Variants in SDK1 observed in about 807,000 individuals in gnomAD.
SDK1 encodes the protein sidekick cell adhesion molecule 1.
Under a neutral mutation model 245.5 loss-of-function variants are expected in SDK1, and 157 were observed. That is an observed-to-expected ratio of 0.64 (90% CI 0.56 to 0.73). The LOEUF is 0.73. Among genes scored for constraint, SDK1 ranks in the 30% least tolerant of loss-of-function variants. The pLI is 0.00. For missense variants in SDK1, 3,583 were observed against 3,002.3 expected (o/e 1.19, Z -4.52); for synonymous variants, 1,647 against 1,278.5 (o/e 1.29, Z -6.15).
Position 3,969,271 on chromosome 7 carries a change from G to C in SDK1, c.1561G>C (p.Ala521Pro). The change falls in exon 11 of 45, where the codon GCC becomes CCC. Residue 521 changes from alanine (A) to proline (P), a missense_variant. Coordinates refer to ENST00000404826, the MANE Select transcript of SDK1 (RefSeq NM_152744.4). ...ITWKRENHIL[A>P]SGSVRIPRFM... Reference sequence around the variant, plus strand: ...CTGTTCTTTAGAAAACCACATTCTGGCCAGTGGCTCTGTCCGGATTCCTAG... The same window carrying C: ...CTGTTCTTTAGAAAACCACATTCTGCCCAGTGGCTCTGTCCGGATTCCTAG... The C allele has an allele frequency of 1.9e-6, 3 of 1,600,272 alleles. No homozygotes were observed. The highest frequency in any genetic ancestry group is 2.6e-6 in the Non-Finnish European group (3 of 1,173,342).
rs61733474 is a variant in SDK1 at position 4,245,686 on chromosome 7, C to T, written c.6262C>T (p.Arg2088Trp). Residue 2088 changes from arginine to tryptophan, a missense_variant, in exon 44 of 45, where the codon CGG becomes TGG. By Grantham distance (101) the Arg-to-Trp change is moderately radical. Transcript: ENST00000404826. ...GGGTCCTCATCCTAGGTCCCCACCC[C>T]GGCCTAGCCCCGGCGGCCTGCACTA... ...SKKNGTRSPP[R>W]PSPGGLHYSD... The T allele has an allele frequency of 3.6e-5, 58 of 1,613,998 alleles. No homozygotes were observed. Among genetic ancestry groups the T allele is most frequent in the Admixed American group, 2.3e-4 (14 of 60,022 alleles).
chr7:3,984,135 T>C (rs2128138059), intron 13 of SDK1, among the ~76,000 whole-genome samples: 1 of 152,352 alleles, frequency 6.6e-6, no homozygotes, highest in South Asian at 2.1e-4. Flanking sequence ...GCTTGTGGTC[T>C]GCTGGCAGGG....
At chr7:3,829,173 T>C (rs1234746300) in intron 5 of SDK1, among the ~76,000 whole-genome samples, 3 of 152,216 alleles carry the variant, frequency 2.0e-5, no homozygotes, top group Non-Finnish European at 4.4e-5. Flanking sequence ...AGAAATTATG[T>C]TCTTTTTAGT....
intron 1 of SDK1, among the ~76,000 whole-genome samples, chr7:3,543,045 T>A (rs17133533): frequency 6.6e-6 from 1 of 152,150 alleles, no homozygotes; most frequent in Middle Eastern, 3.4e-3. Flanking sequence ...TGTTCTCATC[T>A]CCATCTGGGA....
intron 1 of SDK1, among the ~76,000 whole-genome samples, chr7:3,474,060 A>C (rs1326599501): frequency 3.7e-5 from 4 of 107,846 alleles, no homozygotes; most frequent in African/African-American, 1.5e-4. Context: ...CTGTCCCTTT[A>C]CCTGTCAACT....
chr7:3,962,634 T>C, intron 8 of SDK1, 23 bp from the exon 9 acceptor site: 4 of 1,561,710 alleles, frequency 2.6e-6, no homozygotes, highest in Non-Finnish European at 3.5e-6. Context: ...TTTAAAATCC[T>C]ATTTATTCCC....
chr7:3,508,665 C>G (rs556412146), intron 1 of SDK1, among the ~76,000 whole-genome samples: 2 of 152,264 alleles, frequency 1.3e-5, no homozygotes, highest in African/African-American at 4.8e-5. Context: ...TTAGATAGCT[C>G]TAATTTCAAG....
chr7:3,779,705 G>A (rs1333198054), intron 4 of SDK1, among the ~76,000 whole-genome samples: 1 of 152,180 alleles, frequency 6.6e-6, no homozygotes, highest in East Asian at 1.9e-4. Context: ...GGCCGAGGCG[G>A]GTGGATCATG....
In SDK1 at chr7:4,090,527, A is replaced by G. The variant is rs1350014864; in HGVS notation, c.3324+10943A>G. On this transcript the variant is annotated intron_variant, in intron 22 of 44. Transcript: ENST00000404826. ...AATTTTGATGCTCAAACTTCCCTCC[A>G]TTTGGCGATTTGGGGGTGGCGGGGA... Among the ~76,000 whole-genome samples, 3 of 152,106 alleles carry G rather than the reference A, an allele frequency of 2.0e-5. 1 individual carries two copies. Among genetic ancestry groups the G allele is most frequent in the Middle Eastern group, 6.8e-3 (2 of 294 alleles).
intron 3 of SDK1, among the ~76,000 whole-genome samples, chr7:3,639,798 A>T (rs1042223065): frequency 1.1e-4 from 16 of 151,912 alleles, no homozygotes; most frequent in African/African-American, 3.9e-4. Flanking sequence ...ATATGTGTAT[A>T]TATAATAGAG....
chr7:3,403,017 C>A (rs546029645), intron 1 of SDK1, among the ~76,000 whole-genome samples: 20 of 152,226 alleles, frequency 1.3e-4, no homozygotes, highest in African/African-American at 4.8e-4. Flanking sequence ...TCACTGCAAC[C>A]TCTGCCTCCC....
At chr7:3,586,294 A>AG (rs771740362) in intron 1 of SDK1, among the ~76,000 whole-genome samples, 7 of 152,076 alleles carry the variant, frequency 4.6e-5, no homozygotes, top group Non-Finnish European at 1.0e-4. Flanking sequence ...GCCCTAGGCC[A>AG]GGAGTCATGA....
intron 4 of SDK1, among the ~76,000 whole-genome samples, chr7:3,689,343 T>G (rs1308029771): frequency 6.6e-6 from 1 of 152,160 alleles, no homozygotes. Flanking sequence ...TTGGATTGTG[T>G]GCAGTTGTTT....
In SDK1 at chr7:3,479,388, C is replaced by T. The variant is rs542167106; in HGVS notation, c.299-139692C>T. On this transcript the variant is annotated intron_variant, in intron 1 of 44. Coordinates refer to ENST00000404826, the MANE Select transcript of SDK1 (RefSeq NM_152744.4). ...AGTGAGCCGATATTGTGCCACTGCA[C>T]TCCAGCCTGGGTGACAGGGTGAGAC... 5.3e-5 allele frequency among the ~76,000 whole-genome samples: 7 copies of T among 131,994 alleles called. No homozygotes were observed. In the East Asian group the frequency reaches 6.7e-4, roughly 13 times the overall value. 86.6% of individuals were successfully genotyped at this position (131,994 alleles called of 152,430 possible).
At chr7:3,960,562 A>G (rs1006803105) in intron 8 of SDK1, among the ~76,000 whole-genome samples, 1 of 152,282 alleles carries the variant, frequency 6.6e-6, no homozygotes, top group South Asian at 2.1e-4. Context: ...GTAGAGGGAA[A>G]GATCAGCCTC....
intron 1 of SDK1, among the ~76,000 whole-genome samples, chr7:3,487,692 C>G (rs1781742068): frequency 7.1e-6 from 1 of 140,192 alleles, no homozygotes; most frequent in African/African-American, 2.6e-5. Context: ...GAAATTGAGG[C>G]TGCAGTGAGC....
intron 1 of SDK1, among the ~76,000 whole-genome samples, chr7:3,365,942 G>C (rs1781078002): frequency 6.6e-6 from 1 of 152,102 alleles, no homozygotes; most frequent in Admixed American, 6.5e-5. Flanking sequence ...GGGAGGCTGA[G>C]GCAGGAGAAT....
chr7:4,051,761 G>T lies in SDK1; in HGVS notation c.2842G>T (p.Val948Phe). 6.2e-7 allele frequency: 1 copy of T among 1,613,886 alleles called. No homozygotes were observed. Among genetic ancestry groups the T allele is most frequent in the Non-Finnish European group, 8.5e-7 (1 of 1,179,932 alleles). The change falls in exon 19 of 45, where the codon GTT (valine) becomes TTT (phenylalanine). Residue 948 changes from valine to phenylalanine, a missense_variant. Transcript: ENST00000404826. Reference protein sequence around the residue: ...LKKFTAYFTSVLCFTTPGDGP... With the variant: ...LKKFTAYFTSFLCFTTPGDGP... The stretch of plus-strand genomic sequence containing the variant: ...GAAGTTTACCGCCTACTTCACTTCC[G>T]TTCTGTGCTTCACCACCCCTGGGGA...
intron 4 of SDK1, among the ~76,000 whole-genome samples, chr7:3,773,457 A>G (rs1360251627): frequency 1.3e-5 from 2 of 152,042 alleles, no homozygotes; most frequent in African/African-American, 4.8e-5. Flanking sequence ...CTTTCTCCAC[A>G]TCTGCCTTTA....
Sources: gnomAD v4.1 joint callset for allele counts (sites outside exome capture counted in the v4.1 genomes callset) on GRCh38, gnomAD v4.1.1 for gene constraint, MANE v1.5 for transcripts, NCBI Gene and HGNC (gene_info 2026-07-23, HGNC 2026-07-21) for gene names.